The following EXOC6B variants were observed in gnomAD, a reference collection of about 807,000 sequenced individuals.
The protein encoded by EXOC6B is SEC15 homolog B.
Under a neutral mutation model 113.5 loss-of-function variants are expected in EXOC6B, and 54 were observed. The ratio of observed to expected loss-of-function variants is 0.48; its 90% CI spans 0.38 to 0.60. The LOEUF (loss-of-function observed/expected upper bound fraction) is 0.60. EXOC6B is among the 20% of genes least tolerant of loss of function. The pLI, the probability that EXOC6B is intolerant of heterozygous loss-of-function variation, is 0.00. For missense variants in EXOC6B, 797 were observed against 977.5 expected (o/e 0.82, Z 2.46); for synonymous variants, 357 against 339.0 (o/e 1.05, Z -0.58).
At chr2:72,389,262 C>T in intron 18 of EXOC6B, among the ~76,000 whole-genome samples, 1 of 151,664 alleles carries the variant, frequency 6.6e-6, no homozygotes, top group Admixed American at 6.6e-5. Flanking sequence ...TGTAATAAGT[C>T]TCTTTAAATT....
intron 20 of EXOC6B, among the ~76,000 whole-genome samples, chr2:72,264,749 G>C (rs993720941): frequency 6.6e-6 from 1 of 151,852 alleles, no homozygotes; most frequent in Non-Finnish European, 1.5e-5. Flanking sequence ...TGAGTCTCAC[G>C]AGATCTGATG....
intron 20 of EXOC6B, among the ~76,000 whole-genome samples, chr2:72,240,616 C>G (rs1031517229): frequency 6.6e-6 from 1 of 152,074 alleles, no homozygotes; most frequent in East Asian, 1.9e-4. Context: ...TTGAGATGGA[C>G]AATGATAGTG....
chr2:72,524,128 G>T (rs1701641492), intron 8 of EXOC6B, among the ~76,000 whole-genome samples: 1 of 140,326 alleles, frequency 7.1e-6, no homozygotes, highest in African/African-American at 2.7e-5. Flanking sequence ...GCATCCAAGT[G>T]AAGACAGGTT....
chr2:72,648,084 AAAAAAGCAAATAATCCCATC>A (rs1673873539), intron 6 of EXOC6B, among the ~76,000 whole-genome samples: 4 of 152,234 alleles, frequency 2.6e-5, no homozygotes, highest in Admixed American at 2.6e-4. Flanking sequence ...CATTTACAAG[AAAAAAGCAAATAATCCCATC>A]AAAAAGTGGG....
At chr2:72,406,909 T>A (rs929752855) in intron 18 of EXOC6B, among the ~76,000 whole-genome samples, 1 of 152,008 alleles carries the variant, frequency 6.6e-6, no homozygotes, top group African/African-American at 2.4e-5. Context: ...AATCAATGAA[T>A]CCAGGAGCTG....
intron 19 of EXOC6B, among the ~76,000 whole-genome samples, chr2:72,362,855 C>CT (rs2104990004): frequency 6.6e-6 from 1 of 152,274 alleles, no homozygotes; most frequent in East Asian, 1.9e-4. Flanking sequence ...CCACATATAT[C>CT]TGCTGACTGA....
intron 17 of EXOC6B, among the ~76,000 whole-genome samples, chr2:72,480,275 A>G (rs1034584745): frequency 1.3e-5 from 2 of 152,138 alleles, no homozygotes; most frequent in African/African-American, 4.8e-5. Flanking sequence ...ATTAATGTTA[A>G]TGTCAGCCAT....
intron 20 of EXOC6B, among the ~76,000 whole-genome samples, chr2:72,310,513 C>A (rs1235491242): frequency 6.6e-6 from 1 of 151,800 alleles, no homozygotes; most frequent in East Asian, 1.9e-4. Context: ...TGTAAGAGTT[C>A]TTTATATATT....
intron 21 of EXOC6B, among the ~76,000 whole-genome samples, chr2:72,180,109 A>G (rs1175711814): frequency 2.0e-5 from 3 of 152,186 alleles, no homozygotes; most frequent in Non-Finnish European, 4.4e-5. Flanking sequence ...CATGGGCCAA[A>G]TGGCTGGGCC....
At chr2:72,577,142 C>T (rs1704925976) in intron 6 of EXOC6B, among the ~76,000 whole-genome samples, 1 of 152,024 alleles carries the variant, frequency 6.6e-6, no homozygotes, top group Non-Finnish European at 1.5e-5. Context: ...TGTTTCTCTG[C>T]ATATCAGCCA....
At position 72,529,087 on chromosome 2, in the gene EXOC6B, A is replaced by T. The variant is rs923923254; in HGVS notation, c.916-13961T>A. 2.2e-4 allele frequency among the ~76,000 whole-genome samples: 34 copies of T among 152,290 alleles called. 1 individual carries two copies. Among genetic ancestry groups the T allele is most frequent in the African/African-American group, 7.2e-4 (30 of 41,586 alleles). On this transcript the variant is annotated intron_variant, in intron 8 of 21. Transcript: ENST00000272427. Reference sequence around the variant, plus strand: ...GATAAAACTTCCAGCACTATATTGAATAAAAGTTGTGAGAGCAGATACTTT... The same window carrying T: ...GATAAAACTTCCAGCACTATATTGATTAAAAGTTGTGAGAGCAGATACTTT...
intron 8 of EXOC6B, among the ~76,000 whole-genome samples, chr2:72,544,431 G>T (rs1702790081): frequency 6.6e-6 from 1 of 151,858 alleles, no homozygotes; most frequent in Admixed American, 6.6e-5. Flanking sequence ...TCCTCATCAG[G>T]TCTCTTACAA....
intron 19 of EXOC6B, among the ~76,000 whole-genome samples, chr2:72,335,816 C>T (rs958801855): frequency 2.0e-5 from 3 of 152,144 alleles, no homozygotes; most frequent in Non-Finnish European, 4.4e-5. Context: ...CAATCTTAGC[C>T]TGAAGAGATT....
chr2:72,781,247 A>G (rs1292890330), intron 1 of EXOC6B, among the ~76,000 whole-genome samples: 1 of 152,134 alleles, frequency 6.6e-6, no homozygotes, highest in Non-Finnish European at 1.5e-5. Flanking sequence ...TCTCCTCTCT[A>G]AGCAAACCGA....
intron 20 of EXOC6B, among the ~76,000 whole-genome samples, chr2:72,277,741 G>A (rs1014286582): frequency 6.6e-6 from 1 of 151,992 alleles, no homozygotes; most frequent in South Asian, 2.1e-4. Flanking sequence ...TGATCCTACT[G>A]CCTCAGCCTC....
chr2:72,572,850 T>C (rs1016895323), intron 7 of EXOC6B, among the ~76,000 whole-genome samples: 3 of 152,136 alleles, frequency 2.0e-5, no homozygotes, highest in Admixed American at 6.5e-5. Flanking sequence ...TAAATAAATA[T>C]AAGGTAGAAT....
chr2:72,443,901 A>T (rs990625918), intron 18 of EXOC6B, among the ~76,000 whole-genome samples: 1 of 152,220 alleles, frequency 6.6e-6, no homozygotes, highest in Admixed American at 6.5e-5. Context: ...CATTCTGCCC[A>T]TAGGCCCTCC....
chr2:72,539,395 G>T (rs1702467322), intron 8 of EXOC6B, among the ~76,000 whole-genome samples: 1 of 152,158 alleles, frequency 6.6e-6, no homozygotes, highest in Non-Finnish European at 1.5e-5. Context: ...AGTACAACTT[G>T]ATCACCAGAA....
At chr2:72,594,274 C>T (rs935359937) in intron 6 of EXOC6B, among the ~76,000 whole-genome samples, 5 of 152,188 alleles carry the variant, frequency 3.3e-5, no homozygotes, top group African/African-American at 1.2e-4. Flanking sequence ...TGAGCCACCA[C>T]AACCACTCTG....
Sources: gnomAD v4.1 joint callset for allele counts (sites outside exome capture counted in the v4.1 genomes callset) on GRCh38, gnomAD v4.1.1 for gene constraint, MANE v1.5 for transcripts, NCBI Gene and HGNC (gene_info 2026-07-23, HGNC 2026-07-21) for gene names.